The following MOB1B variants were observed in gnomAD, a reference collection of about 807,000 sequenced individuals.
MOB1B encodes MOB1 Mps One Binder homolog B.
In MOB1B, 19 loss-of-function variants were observed where a neutral mutation model predicts 24.4. The observed-to-expected ratio is 0.78, with a 90% CI of 0.54 to 1.14. The LOEUF is 1.14. Ranked by LOEUF, MOB1B falls within the 50% of genes most tolerant of loss-of-function variation. The probability of loss-of-function intolerance (pLI) is 0.00; values close to 1 mark genes in which losing one functional copy is unlikely to be tolerated. For missense variants in MOB1B, 243 were observed against 259.6 expected (o/e 0.94, Z 0.44); for synonymous variants, 76 against 82.1 (o/e 0.93, Z 0.40).
intron 1 of MOB1B, among the ~76,000 whole-genome samples, chr4:70,945,231 C>A (rs1266706780): frequency 6.6e-6 from 1 of 152,070 alleles, no homozygotes; most frequent in African/African-American, 2.4e-5. Context: ...AGTTCAGTGC[C>A]CAGAATATCA....
At chr4:70,920,470 C>T (rs1578351985) in intron 1 of MOB1B, among the ~76,000 whole-genome samples, 1 of 152,208 alleles carries the variant, frequency 6.6e-6, no homozygotes, top group East Asian at 1.9e-4. Context: ...GGTGATCTGC[C>T]TGCCTCGGCC....
At chr4:70,906,017 T>C (rs1394039174) in intron 1 of MOB1B, among the ~76,000 whole-genome samples, 1 of 151,712 alleles carries the variant, frequency 6.6e-6, no homozygotes, top group African/African-American at 2.4e-5. Flanking sequence ...TTCAAGGCTG[T>C]GGTGAGATGT....
At position 70,929,282 on chromosome 4, in the gene MOB1B, G is replaced by A. The variant is rs142619110; in HGVS notation, c.14+26732G>A. Among the ~76,000 whole-genome samples the A allele has an allele frequency of 4.9e-4, 72 of 145,766 alleles. No individual in the cohort carries two copies. In the East Asian group the frequency reaches 0.012, roughly 24 times the overall value. Reference sequence around the variant, plus strand: ...CAAGCTCCACCTCCCAGGTTCAAGTGTTTCTCCTGCATTAGCCTCCCAAGT... The same window carrying A: ...CAAGCTCCACCTCCCAGGTTCAAGTATTTCTCCTGCATTAGCCTCCCAAGT... On this transcript the variant is annotated intron_variant, in intron 1 of 5. Coordinates refer to ENST00000309395, the MANE Select transcript of MOB1B (RefSeq NM_173468.4).
intron 1 of MOB1B, among the ~76,000 whole-genome samples, chr4:70,929,721 C>A (rs974170580): frequency 1.3e-5 from 2 of 151,738 alleles, no homozygotes; most frequent in African/African-American, 4.8e-5. Context: ...TCTTGGCTCA[C>A]TGCAAGCTCC....
intron 1 of MOB1B, among the ~76,000 whole-genome samples, chr4:70,951,513 C>T (rs148910316): frequency 7.2e-4 from 109 of 152,258 alleles, no homozygotes; most frequent in Middle Eastern, 3.4e-3. Flanking sequence ...ATGTGAATAT[C>T]GTGGATGTTT....
intron 2 of MOB1B, 127 bp from the exon 3 acceptor site, chr4:70,969,804 T>G: frequency 2.0e-6 from 1 of 505,852 alleles, no homozygotes; most frequent in Non-Finnish European, 3.5e-6. Context: ...GATACTTCTG[T>G]GTATGGTTTT....
intron 1 of MOB1B, among the ~76,000 whole-genome samples, chr4:70,917,512 T>C (rs1311550973): frequency 6.6e-6 from 1 of 152,182 alleles, no homozygotes; most frequent in African/African-American, 2.4e-5. Flanking sequence ...TCCAAAAGTA[T>C]GGAGAGAGCC....
chr4:70,952,825 G>A (rs1737866277), intron 1 of MOB1B, among the ~76,000 whole-genome samples: 1 of 151,680 alleles, frequency 6.6e-6, no homozygotes, highest in African/African-American at 2.4e-5. Flanking sequence ...GTATGCATTT[G>A]GGCATACAGT....
rs1302122528 is a variant in MOB1B at position 70,902,647 on chromosome 4, C to G, written c.14+97C>G. The G allele has an allele frequency of 4.2e-6, 5 of 1,194,504 alleles. No individual in the cohort carries two copies. In the African/African-American group the frequency reaches 4.9e-5, roughly 12 times the overall value. The allele number at this position is 1,194,504 out of a possible 1,614,324, so 74.0% of individuals were successfully genotyped here. ...CGTCGCCCGCCCTCGTCCCGACCCTCCTGGCCCAGCGCTCCCGGGGCCCGG... is the reference window on the plus strand; with the variant it reads ...CGTCGCCCGCCCTCGTCCCGACCCTGCTGGCCCAGCGCTCCCGGGGCCCGG... On this transcript the variant is annotated intron_variant, in intron 1 of 5. Coordinates refer to ENST00000309395, the MANE Select transcript of MOB1B (RefSeq NM_173468.4).
intron 1 of MOB1B, among the ~76,000 whole-genome samples, chr4:70,934,345 C>CA (rs1415658895): frequency 6.6e-6 from 1 of 152,026 alleles, no homozygotes; most frequent in African/African-American, 2.4e-5. Flanking sequence ...CTCAGCCTCC[C>CA]AAAGTGCTGG....
At chr4:70,978,023 C>G (rs998976801) in intron 4 of MOB1B, among the ~76,000 whole-genome samples, 2 of 152,176 alleles carry the variant, frequency 1.3e-5, no homozygotes, top group African/African-American at 4.8e-5. Context: ...CTATGGTCCT[C>G]ATGTTGTACA....
intron 1 of MOB1B, among the ~76,000 whole-genome samples, chr4:70,911,126 G>A (rs1735968748): frequency 6.6e-6 from 1 of 152,052 alleles, no homozygotes; most frequent in Admixed American, 6.6e-5. Context: ...TTGTTTGTAT[G>A]TATTTAAAAA....
chr4:70,923,902 G>A (rs1269081802), intron 1 of MOB1B, among the ~76,000 whole-genome samples: 3 of 132,612 alleles, frequency 2.3e-5, no homozygotes, highest in Admixed American at 8.7e-5. Context: ...AGCCGAGATC[G>A]CACCACTGCA....
chr4:70,931,703 G>A (rs956445137), intron 1 of MOB1B, among the ~76,000 whole-genome samples: 1 of 152,124 alleles, frequency 6.6e-6, no homozygotes, highest in Non-Finnish European at 1.5e-5. Context: ...AGAATTCCAA[G>A]TGTCTTATTT....
chr4:70,959,046 T>C lies in MOB1B; in HGVS notation c.181+6T>C, dbSNP rs753344490. 1 of 1,612,822 alleles carries C rather than the reference T, an allele frequency of 6.2e-7. No homozygotes were observed. Among genetic ancestry groups the C allele is most frequent in the South Asian group, 1.1e-5 (1 of 90,908 alleles). On this transcript the variant is annotated splice_donor_region_variant and intron_variant, in intron 2 of 5. Coordinates refer to ENST00000309395, the MANE Select transcript of MOB1B (RefSeq NM_173468.4). ...TGAATGGGTTGCAGTTAACAGTAAGTAGCCTTTTTATTTCTCAGTAGCCTG... is the reference window on the plus strand; with the variant it reads ...TGAATGGGTTGCAGTTAACAGTAAGCAGCCTTTTTATTTCTCAGTAGCCTG...
chr4:70,945,203 C>T (rs1737527984), intron 1 of MOB1B, among the ~76,000 whole-genome samples: 1 of 152,020 alleles, frequency 6.6e-6, no homozygotes, highest in South Asian at 2.1e-4. Context: ...ATATAAATAC[C>T]CAACTCAGCT....
chr4:70,977,184 CT>C (rs1201737044), intron 4 of MOB1B, among the ~76,000 whole-genome samples: 1 of 151,990 alleles, frequency 6.6e-6, no homozygotes, highest in African/African-American at 2.4e-5. Flanking sequence ...TAATAATGTA[CT>C]TTATAAGCAA....
chr4:70,907,386 AT>A (rs1735791731), intron 1 of MOB1B, among the ~76,000 whole-genome samples: 1 of 152,126 alleles, frequency 6.6e-6, no homozygotes, highest in Admixed American at 6.6e-5. Flanking sequence ...AGTTTCTAGC[AT>A]TTTTAAATTA....
intron 1 of MOB1B, among the ~76,000 whole-genome samples, chr4:70,904,533 G>A (rs1023815204): frequency 6.6e-6 from 1 of 151,812 alleles, no homozygotes; most frequent in Non-Finnish European, 1.5e-5. Context: ...GGCCAAGACA[G>A]GCAGATCACC....
Sources: gnomAD v4.1 joint callset for allele counts (sites outside exome capture counted in the v4.1 genomes callset) on GRCh38, gnomAD v4.1.1 for gene constraint, MANE v1.5 for transcripts, NCBI Gene and HGNC (gene_info 2026-07-23, HGNC 2026-07-21) for gene names.